SLIT3: variants seen among roughly 807,000 people sequenced by gnomAD.
SLIT3 encodes slit homolog 3 protein.
Under a neutral mutation model 184.0 loss-of-function variants are expected in SLIT3, and 68 were observed. That is an observed-to-expected ratio of 0.37 (90% CI 0.30 to 0.45). The LOEUF (loss-of-function observed/expected upper bound fraction) is 0.45, where lower values mean the gene tolerates loss of function less well. Among genes scored for constraint, SLIT3 ranks in the 20% least tolerant of loss-of-function variants. SLIT3 has a pLI of 1.00. For synonymous variants in SLIT3, 831 were observed against 828.6 expected (o/e 1.00, Z -0.05); for missense variants, 1,707 against 2,026.0 (o/e 0.84, Z 3.02).
At chr5:168,768,519 A>G (rs1755426583) in intron 14 of SLIT3, among the ~76,000 whole-genome samples, 1 of 152,214 alleles carries the variant, frequency 6.6e-6, no homozygotes. Flanking sequence ...CTTCCCAAGG[A>G]AAGAAAGAAC....
intron 4 of SLIT3, among the ~76,000 whole-genome samples, chr5:168,958,325 G>A (rs901794623): frequency 6.6e-6 from 1 of 152,136 alleles, no homozygotes; most frequent in East Asian, 1.9e-4. Context: ...ATGGTCAACT[G>A]CTTGAGGAAA....
In SLIT3 at chr5:168,760,894, G is replaced by A. The variant is rs1755123346; in HGVS notation, c.1653C>T (p.Gly551=). Reference sequence around the variant, plus strand: ...GCAGGTTGGGCAACTTCTTGAAGATGCCAGTGGCCTCCAGAACAGATACCT... The same window carrying A: ...GCAGGTTGGGCAACTTCTTGAAGATACCAGTGGCCTCCAGAACAGATACCT... ...DNEVSVLEAT[G]IFKKLPNLRK... Residue 551 remains glycine (G), a synonymous_variant, in exon 16 of 36, where the codon GGC becomes GGT. Coordinates refer to ENST00000519560, the MANE Select transcript of SLIT3 (RefSeq NM_003062.4). 1.9e-6 allele frequency: 3 copies of A among 1,613,820 alleles called. No individual in the cohort carries two copies. In the South Asian group the frequency reaches 3.3e-5, roughly 18 times the overall value.
At chr5:168,977,072 G>C (rs957258264) in intron 4 of SLIT3, among the ~76,000 whole-genome samples, 7 of 152,134 alleles carry the variant, frequency 4.6e-5, no homozygotes, top group African/African-American at 1.4e-4. Context: ...GGGCCCAGGA[G>C]GGAAGTTAAT....
intron 18 of SLIT3, 37 bp downstream of exon 18, chr5:168,752,918 C>G (rs1370586896): frequency 6.2e-7 from 1 of 1,606,020 alleles, no homozygotes; most frequent in East Asian, 2.2e-5. Context: ...AGAGTGGGAT[C>G]CCAGAGTCCG....
At chr5:168,968,756 A>G (rs902268544) in intron 4 of SLIT3, among the ~76,000 whole-genome samples, 2 of 152,268 alleles carry the variant, frequency 1.3e-5, no homozygotes. Flanking sequence ...TCTTTGCCCT[A>G]CTGAGCATGA....
At chr5:168,809,146 C>G (rs1178654778) in intron 8 of SLIT3, among the ~76,000 whole-genome samples, 1 of 152,100 alleles carries the variant, frequency 6.6e-6, no homozygotes, top group Admixed American at 6.5e-5. Flanking sequence ...GGAATTCTTC[C>G]AAAAGTACCC....
chr5:168,975,554 C>T lies in SLIT3; in HGVS notation c.414-92218G>A, dbSNP rs183037772. Among the ~76,000 whole-genome samples the T allele has an allele frequency of 2.3e-3, 350 of 152,170 alleles. 1 individual carries two copies. The highest frequency in any genetic ancestry group is 3.9e-3 in the South Asian group (19 of 4,820). On this transcript the variant is annotated intron_variant, in intron 4 of 35. Coordinates refer to ENST00000519560, the MANE Select transcript of SLIT3 (RefSeq NM_003062.4). ...GCACGTATCTATATACCTACACAGA[C>T]ACCCACACTGACACACAGGCACACA...
At chr5:169,043,092 T>C (rs911513783) in intron 4 of SLIT3, among the ~76,000 whole-genome samples, 1 of 152,246 alleles carries the variant, frequency 6.6e-6, no homozygotes, top group African/African-American at 2.4e-5. Context: ...TGACACTTTA[T>C]ATAAGTAATC....
intron 20 of SLIT3, among the ~76,000 whole-genome samples, chr5:168,739,419 TTTTA>T (rs1307381562): frequency 7.0e-6 from 1 of 143,260 alleles, no homozygotes; most frequent in African/African-American, 2.5e-5. Flanking sequence ...TTTTCTTTCT[TTTTA>T]TTCTTTTTTT....
chr5:168,735,417 G>A (rs186180359), intron 20 of SLIT3, among the ~76,000 whole-genome samples: 2 of 152,240 alleles, frequency 1.3e-5, no homozygotes, highest in South Asian at 4.1e-4. Context: ...GCAGCTCAGG[G>A]GTCAGGCAGC....
At chr5:169,113,085 T>TTAA (rs1760469899) in intron 4 of SLIT3, among the ~76,000 whole-genome samples, 1 of 152,176 alleles carries the variant, frequency 6.6e-6, no homozygotes, top group Non-Finnish European at 1.5e-5. Flanking sequence ...ATTTAACATC[T>TTAA]TAATGGCGTT....
chr5:169,278,395 A>G (rs964547995), intron 1 of SLIT3, among the ~76,000 whole-genome samples: 11 of 152,338 alleles, frequency 7.2e-5, no homozygotes, highest in African/African-American at 2.6e-4. Context: ...ACTGGCCTGA[A>G]TTACAGTTCT....
intron 4 of SLIT3, among the ~76,000 whole-genome samples, chr5:169,184,583 C>A (rs866218061): frequency 2.0e-5 from 3 of 152,200 alleles, no homozygotes; most frequent in African/African-American, 2.4e-5. Flanking sequence ...AAGTGACACA[C>A]AACAAAATCA....
At chr5:169,268,336 C>G (rs1766471449) in intron 1 of SLIT3, among the ~76,000 whole-genome samples, 1 of 152,178 alleles carries the variant, frequency 6.6e-6, no homozygotes, top group African/African-American at 2.4e-5. Flanking sequence ...AAATCAGAGA[C>G]AGGTCTCTGC....
chr5:168,777,365 G>T (rs11134529), intron 12 of SLIT3, among the ~76,000 whole-genome samples: 19,556 of 152,104 alleles, frequency 0.13, 1,353 homozygotes, highest in East Asian at 0.21. Context: ...TGTAGCAATT[G>T]GTTCTAGCGC....
At chr5:169,209,809 A>C (rs1034547231) in intron 3 of SLIT3, among the ~76,000 whole-genome samples, 2 of 152,102 alleles carry the variant, frequency 1.3e-5, no homozygotes, top group African/African-American at 4.8e-5. Flanking sequence ...GTAGGGGGCA[A>C]GGGGAGGGAT....
At position 168,728,558 on chromosome 5, in the gene SLIT3, A is replaced by G. The variant is rs551414466; in HGVS notation, c.2271-4074T>C. On this transcript the variant is annotated intron_variant, in intron 20 of 35. Transcript: ENST00000519560. ...CAAGAGAAATCTGAAAACCAACACA[A>G]ATAAATTAAAAAATCAATGTAGGCT... 2.4e-4 allele frequency among the ~76,000 whole-genome samples: 36 copies of G among 152,228 alleles called. 1 individual carries two copies. In the South Asian group the frequency reaches 2.5e-3, roughly 11 times the overall value.
chr5:168,925,803 G>A (rs10063042), intron 4 of SLIT3, among the ~76,000 whole-genome samples: 35,437 of 152,008 alleles, frequency 0.23, 4,294 homozygotes, highest in African/African-American at 0.3. Context: ...AGAGAATGTC[G>A]TTTGTTATAT....
intron 4 of SLIT3, among the ~76,000 whole-genome samples, chr5:169,044,847 G>A (rs923291756): frequency 1.3e-5 from 2 of 152,230 alleles, no homozygotes; most frequent in African/African-American, 4.8e-5. Flanking sequence ...CAACTGGCCT[G>A]TAGACCCCAG....
Sources: gnomAD v4.1 joint callset for allele counts (sites outside exome capture counted in the v4.1 genomes callset) on GRCh38, gnomAD v4.1.1 for gene constraint, MANE v1.5 for transcripts, NCBI Gene and HGNC (gene_info 2026-07-23, HGNC 2026-07-21) for gene names.